DACH2: variants seen among roughly 807,000 people sequenced by gnomAD.
DACH2 encodes the protein dachshund homolog 2.
DACH2 carries 17 observed loss-of-function variants against 35.8 expected under a neutral mutation model. The ratio of observed to expected loss-of-function variants is 0.48; its 90% confidence interval spans 0.33 to 0.71. The LOEUF is 0.71. Ranked by LOEUF, DACH2 falls within the 30% of genes least tolerant of loss-of-function variation. DACH2 has a pLI of 0.02. For synonymous variants in DACH2, 195 were observed against 177.3 expected (o/e 1.10, Z -0.79); for missense variants, 469 against 472.7 (o/e 0.99, Z 0.07).
At chrX:86,399,674 A>C (rs1478730465) in intron 2 of DACH2, among the ~76,000 whole-genome samples, 1 of 111,610 alleles carries the variant, frequency 9.0e-6, no homozygotes, top group Non-Finnish European at 1.9e-5. Context: ...TTCTGGGTTG[A>C]AAATTCTTTT....
At chrX:86,298,103 G>A (rs2034504102) in intron 1 of DACH2, among the ~76,000 whole-genome samples, 1 of 111,791 alleles carries the variant, frequency 8.9e-6, no homozygotes, top group South Asian at 3.7e-4. Context: ...GATATAATGT[G>A]GTTCCTGAGC....
At chrX:86,333,234 A>T (rs1233408343) in intron 1 of DACH2, among the ~76,000 whole-genome samples, 2 of 112,064 alleles carry the variant, frequency 1.8e-5, no homozygotes, top group Non-Finnish European at 3.8e-5. Flanking sequence ...ATTTTTTGAA[A>T]CTTCAAATGA....
intron 6 of DACH2, among the ~76,000 whole-genome samples, chrX:86,727,972 G>A (rs748613527): frequency 1.8e-5 from 2 of 112,058 alleles, no homozygotes; most frequent in Non-Finnish European, 3.8e-5. Flanking sequence ...ACTGGGTAAT[G>A]GGCAGAGGTT....
intron 4 of DACH2, among the ~76,000 whole-genome samples, chrX:86,665,981 G>A (rs1029659286): frequency 5.5e-4 from 61 of 111,097 alleles, no homozygotes; most frequent in Non-Finnish European, 9.1e-4. Flanking sequence ...TCTTTGGGAG[G>A]AACATTAATT....
chrX:86,824,352 C>T (rs1328054603), intron 11 of DACH2, among the ~76,000 whole-genome samples: 1 of 111,941 alleles, frequency 8.9e-6, no homozygotes, highest in Non-Finnish European at 1.9e-5. Context: ...TTTTGCCCAA[C>T]CCCACAGGTA....
chrX:86,634,025 C>T (rs753537871), intron 3 of DACH2, among the ~76,000 whole-genome samples: 2 of 111,606 alleles, frequency 1.8e-5, no homozygotes, highest in Non-Finnish European at 3.8e-5. Context: ...GGAAGCATTA[C>T]TAGGAGGCCA....
chrX:86,656,761 A>G (rs1179737588), intron 4 of DACH2, among the ~76,000 whole-genome samples: 1 of 105,735 alleles, frequency 9.5e-6, no homozygotes, highest in Non-Finnish European at 1.9e-5. Context: ...ATTAAGTAAG[A>G]TATAGATAAC....
chrX:86,398,567 C>A (rs771663921), intron 2 of DACH2, among the ~76,000 whole-genome samples: 1 of 111,833 alleles, frequency 8.9e-6, no homozygotes, highest in Non-Finnish European at 1.9e-5. Context: ...TTGAATGTGT[C>A]CCAGAGATTC....
intron 2 of DACH2, among the ~76,000 whole-genome samples, chrX:86,404,926 C>A (rs2036500566): frequency 8.9e-6 from 1 of 112,459 alleles, no homozygotes; most frequent in Non-Finnish European, 1.9e-5. Context: ...ATAGGCTCAA[C>A]ACCATGTGGA....
intron 1 of DACH2, among the ~76,000 whole-genome samples, chrX:86,334,527 C>T (rs997228398): frequency 8.9e-5 from 10 of 112,313 alleles, no homozygotes; most frequent in Non-Finnish European, 1.7e-4. Flanking sequence ...AGCCTTTTTT[C>T]ATATGTTTGC....
chrX:86,210,084 G>A (rs750568333), intron 1 of DACH2, among the ~76,000 whole-genome samples: 163 of 111,822 alleles, frequency 1.5e-3, no homozygotes, highest in African/African-American at 4.0e-3. Flanking sequence ...ATAATTTGAT[G>A]TGAGTCCCTT....
chrX:86,607,896 C>T (rs1314403981), intron 3 of DACH2, among the ~76,000 whole-genome samples: 1 of 106,980 alleles, frequency 9.3e-6, no homozygotes, highest in African/African-American at 3.4e-5. Flanking sequence ...TTTCCAATTT[C>T]ATCCATGTCC....
At chrX:86,206,249 G>C (rs1383283235) in intron 1 of DACH2, among the ~76,000 whole-genome samples, 1 of 108,325 alleles carries the variant, frequency 9.2e-6, no homozygotes, top group African/African-American at 3.5e-5. Context: ...CCTGTTTTTA[G>C]GTCATTTTCA....
intron 1 of DACH2, among the ~76,000 whole-genome samples, chrX:86,168,956 TTC>T (rs1469111771): frequency 2.7e-5 from 3 of 111,834 alleles, no homozygotes; most frequent in Non-Finnish European, 5.7e-5. Context: ...TGTTACAATA[TTC>T]TGTGTTTTTT....
At chrX:86,390,842 G>A (rs1037248899) in intron 2 of DACH2, among the ~76,000 whole-genome samples, 2 of 110,230 alleles carry the variant, frequency 1.8e-5, no homozygotes, top group African/African-American at 6.6e-5. Context: ...TGCCCACCTC[G>A]GCTTCCCAAA....
intron 2 of DACH2, among the ~76,000 whole-genome samples, chrX:86,397,299 A>G (rs2036316008): frequency 9.0e-6 from 1 of 111,420 alleles, no homozygotes; most frequent in African/African-American, 3.3e-5. Context: ...GGCTGAGACG[A>G]TGGGGTTTTC....
At chrX:86,284,757 C>A (rs1201764794) in intron 1 of DACH2, among the ~76,000 whole-genome samples, 2 of 110,957 alleles carry the variant, frequency 1.8e-5, no homozygotes, top group Admixed American at 9.6e-5. Context: ...GGAGACTGTT[C>A]AGCTTCGATC....
intron 1 of DACH2, among the ~76,000 whole-genome samples, chrX:86,288,057 G>A (rs1394923354): frequency 8.9e-6 from 1 of 111,961 alleles, no homozygotes; most frequent in East Asian, 2.8e-4. Context: ...ATATTTGAAA[G>A]GACTTGGGTG....
intron 4 of DACH2, among the ~76,000 whole-genome samples, chrX:86,655,918 A>G: frequency 9.0e-6 from 1 of 110,903 alleles, no homozygotes; most frequent in Non-Finnish European, 1.9e-5. Context: ...AAAAAAGTGC[A>G]TAGCTTTGAA....
Sources: gnomAD v4.1 joint callset for allele counts (sites outside exome capture counted in the v4.1 genomes callset) on GRCh38, gnomAD v4.1.1 for gene constraint, MANE v1.5 for transcripts, NCBI Gene and HGNC (gene_info 2026-07-23, HGNC 2026-07-21) for gene names.